PHLPP1: variants seen among roughly 807,000 people sequenced by gnomAD.
PHLPP1 encodes PH domain and leucine rich repeat protein phosphatase 1.
A neutral mutation model predicts 117.2 loss-of-function variants in PHLPP1; 42 were observed. The ratio of observed to expected loss-of-function variants is 0.36; its 90% CI spans 0.28 to 0.46. The LOEUF is 0.46. Among genes scored for constraint, PHLPP1 ranks in the 20% least tolerant of loss-of-function variants. The pLI is 1.00. For missense variants in PHLPP1, 2,084 were observed against 2,241.9 expected (o/e 0.93, Z 1.42); for synonymous variants, 1,042 against 970.7 (o/e 1.07, Z -1.37).
intron 2 of PHLPP1, among the ~76,000 whole-genome samples, chr18:62,831,060 A>G (rs1914745050): frequency 6.6e-6 from 1 of 152,168 alleles, no homozygotes; most frequent in Non-Finnish European, 1.5e-5. Flanking sequence ...ATGTGATGCA[A>G]CGGATATATT....
At chr18:62,942,283 G>A (rs1910151631) in intron 11 of PHLPP1, among the ~76,000 whole-genome samples, 2 of 152,184 alleles carry the variant, frequency 1.3e-5, no homozygotes, top group African/African-American at 4.8e-5. Context: ...CTACTCGGGA[G>A]GCTGACATGG....
intron 12 of PHLPP1, among the ~76,000 whole-genome samples, chr18:62,948,686 T>A (rs935599802): frequency 9.2e-5 from 14 of 151,690 alleles, no homozygotes; most frequent in African/African-American, 3.4e-4. Context: ...TTTTTTTTTT[T>A]ATACTTTAAG....
chr18:62,766,072 A>ATATATATAT lies in PHLPP1; in HGVS notation c.1576+48813_1576+48814insTATATATAT, dbSNP rs1197342415. On this transcript the variant is annotated intron_variant, in intron 1 of 16. Coordinates refer to ENST00000262719, the MANE Select transcript of PHLPP1 (RefSeq NM_194449.4). Reference sequence around the variant, plus strand: ...CTAGACTCCATCTCAAAAAAAAAAAAAAAAATATATATATATATATATATA... The same window carrying ATATATATAT: ...CTAGACTCCATCTCAAAAAAAAAAAATATATATATAAAAATATATATATATATATATATA... 5.4e-4 allele frequency among the ~76,000 whole-genome samples: 11 copies of ATATATATAT among 20,202 alleles called. No homozygotes were observed. The Admixed American group carries it at 6.3e-3, about 12-fold the overall frequency. The allele number at this position is 20,202 out of a possible 152,430, so 13.3% of individuals were successfully genotyped here.
At chr18:62,724,775 C>T (rs1388841202) in intron 1 of PHLPP1, among the ~76,000 whole-genome samples, 1 of 152,144 alleles carries the variant, frequency 6.6e-6, no homozygotes, top group Non-Finnish European at 1.5e-5. Flanking sequence ...TTGCATATCA[C>T]TTTGACAGAT....
chr18:62,951,995 T>A (rs1599138696), intron 12 of PHLPP1, among the ~76,000 whole-genome samples: 1 of 152,030 alleles, frequency 6.6e-6, no homozygotes, highest in East Asian at 2.0e-4. Context: ...TTTGTATTTT[T>A]TTTTAGTAGA....
At chr18:62,897,716 A>G (rs2144401309) in intron 6 of PHLPP1, among the ~76,000 whole-genome samples, 1 of 152,292 alleles carries the variant, frequency 6.6e-6, no homozygotes, top group East Asian at 1.9e-4. Flanking sequence ...CATATTGGCC[A>G]GACTGGTCTT....
At chr18:62,735,197 A>G (rs567275805) in intron 1 of PHLPP1, among the ~76,000 whole-genome samples, 4 of 151,858 alleles carry the variant, frequency 2.6e-5, no homozygotes, top group African/African-American at 9.7e-5. Context: ...GGTGCATGCC[A>G]CCTGTAATTT....
At chr18:62,935,500 G>A (rs1285547269) in intron 10 of PHLPP1, among the ~76,000 whole-genome samples, 1 of 152,140 alleles carries the variant, frequency 6.6e-6, no homozygotes, top group Non-Finnish European at 1.5e-5. Flanking sequence ...ATGCTTTTAT[G>A]ATCAAGTTAG....
At chr18:62,871,372 G>A (rs908285888) in intron 4 of PHLPP1, among the ~76,000 whole-genome samples, 1 of 152,064 alleles carries the variant, frequency 6.6e-6, no homozygotes, top group African/African-American at 2.4e-5. Context: ...TTGTCACCCA[G>A]GCTGGAGTGC....
intron 10 of PHLPP1, among the ~76,000 whole-genome samples, chr18:62,925,094 A>G (rs1909584949): frequency 6.6e-6 from 1 of 152,072 alleles, no homozygotes; most frequent in Admixed American, 6.5e-5. Flanking sequence ...AAAGAGTTTC[A>G]GATAATTAGT....
intron 14 of PHLPP1, among the ~76,000 whole-genome samples, chr18:62,969,419 G>T (rs1313868075): frequency 1.3e-5 from 2 of 152,004 alleles, no homozygotes; most frequent in Non-Finnish European, 2.9e-5. Context: ...AACTTATTTA[G>T]ACTTGATTTT....
rs1437745182 is a variant in PHLPP1 at position 62,860,584 on chromosome 18, G to T, written c.2049G>T (p.Gly683=). 1 of 1,612,590 alleles carries T rather than the reference G, an allele frequency of 6.2e-7. No individual in the cohort carries two copies. The highest frequency in any genetic ancestry group is 8.5e-7 in the Non-Finnish European group (1 of 1,179,354). ...RQNPSLPAAR[G]LNELQRFTKL... is the part of the protein sequence containing the mutation. Reference sequence around the variant, plus strand: ...ACCCTAGCCTTCCAGCTGCCAGGGGGCTTAATGAACTGCAAAGGTAAGCCT... The same window carrying T: ...ACCCTAGCCTTCCAGCTGCCAGGGGTCTTAATGAACTGCAAAGGTAAGCCT... Residue 683 remains glycine, a synonymous_variant, in exon 4 of 17, where the codon GGG becomes GGT. Transcript: ENST00000262719.
At chr18:62,879,026 C>A (rs902466884) in intron 4 of PHLPP1, among the ~76,000 whole-genome samples, 14 of 152,094 alleles carry the variant, frequency 9.2e-5, no homozygotes, top group African/African-American at 3.4e-4. Flanking sequence ...TTTTGCTTTC[C>A]AAATCAGTGT....
intron 1 of PHLPP1, among the ~76,000 whole-genome samples, chr18:62,785,418 G>A (rs1913251641): frequency 6.6e-6 from 1 of 152,152 alleles, no homozygotes; most frequent in Admixed American, 6.5e-5. Context: ...CAGTACCTTG[G>A]GACTGAAATA....
chr18:62,814,350 G>C (rs762592639), intron 1 of PHLPP1, among the ~76,000 whole-genome samples: 1 of 152,162 alleles, frequency 6.6e-6, no homozygotes, highest in Non-Finnish European at 1.5e-5. Context: ...ACTCCTTGCT[G>C]AGCTTCTTTT....
At chr18:62,725,841 C>T (rs1911052341) in intron 1 of PHLPP1, among the ~76,000 whole-genome samples, 1 of 152,024 alleles carries the variant, frequency 6.6e-6, no homozygotes, top group Non-Finnish European at 1.5e-5. Context: ...ATTAATTCCC[C>T]AAAGATTACT....
intron 1 of PHLPP1, among the ~76,000 whole-genome samples, chr18:62,786,390 T>C (rs1913286075): frequency 6.6e-6 from 1 of 152,206 alleles, no homozygotes; most frequent in South Asian, 2.1e-4. Flanking sequence ...GTTATTGTTG[T>C]TTTGTTTTGT....
chr18:62,766,076 A>ATATATATATATATATATATATAT (rs1555670395), intron 1 of PHLPP1, among the ~76,000 whole-genome samples: 9 of 21,634 alleles, frequency 4.2e-4, no homozygotes, highest in South Asian at 2.3e-3. Flanking sequence ...AAAAAAAAAA[A>ATATATATATATATATATATATAT]ATATATATAT....
chr18:62,821,899 C>T (rs555473096), intron 1 of PHLPP1, among the ~76,000 whole-genome samples: 1 of 152,040 alleles, frequency 6.6e-6, no homozygotes, highest in South Asian at 2.1e-4. Flanking sequence ...GCTGGGATTA[C>T]AGGCGCATGC....
Sources: gnomAD v4.1 joint callset for allele counts (sites outside exome capture counted in the v4.1 genomes callset) on GRCh38, gnomAD v4.1.1 for gene constraint, MANE v1.5 for transcripts, NCBI Gene and HGNC (gene_info 2026-07-23, HGNC 2026-07-21) for gene names.